The following ZDHHC2 variants were observed in gnomAD, a reference collection of about 807,000 sequenced individuals.
ZDHHC2 encodes palmitoyltransferase ZDHHC2.
ZDHHC2 carries 51 observed loss-of-function variants against 55.6 expected under a neutral mutation model. That is an observed-to-expected ratio of 0.92 (90% confidence interval 0.73 to 1.16). The LOEUF (loss-of-function observed/expected upper bound fraction) is 1.16. Ranked by LOEUF, ZDHHC2 falls within the 50% of genes most tolerant of loss-of-function variation. The pLI, the probability that ZDHHC2 is intolerant of heterozygous loss-of-function variation, is 0.00. For synonymous variants in ZDHHC2, 199 were observed against 152.9 expected (o/e 1.30, Z -2.22); for missense variants, 491 against 442.4 (o/e 1.11, Z -0.99).
intron 4 of ZDHHC2, among the ~76,000 whole-genome samples, chr8:17,196,170 C>G (rs1431278190): frequency 6.6e-6 from 1 of 151,970 alleles, no homozygotes. Context: ...TGACAACTAT[C>G]CACTTAAACA....
At chr8:17,167,548 G>A (rs886884595) in intron 1 of ZDHHC2, among the ~76,000 whole-genome samples, 1 of 151,800 alleles carries the variant, frequency 6.6e-6, no homozygotes, top group East Asian at 1.9e-4. Flanking sequence ...CAGGTGATTC[G>A]GCCTCCCAAA....
rs757912275 is a variant in ZDHHC2, at chr8:17,221,673, TATTA to T, written c.*1456_*1459del. Reference sequence around the variant, plus strand: ...TATCCTTCCTAAAAATATAGTTTTATATTAATTGTGCTTATGGAAGAAACAATGT... The same window carrying T: ...TATCCTTCCTAAAAATATAGTTTTATATTGTGCTTATGGAAGAAACAATGT... On this transcript the variant is annotated 3_prime_UTR_variant, in exon 13 of 13. Transcript: ENST00000262096. 6.6e-6 allele frequency: 1 copy of T among 152,534 alleles called. No individual in the cohort carries two copies. Among genetic ancestry groups the T allele is most frequent in the Non-Finnish European group, 1.5e-5 (1 of 67,948 alleles). 9.4% of individuals were successfully genotyped at this position (152,534 alleles called of 1,614,324 possible).
intron 1 of ZDHHC2, among the ~76,000 whole-genome samples, chr8:17,177,390 G>T (rs1055173978): frequency 6.6e-6 from 1 of 152,170 alleles, no homozygotes; most frequent in Non-Finnish European, 1.5e-5. Context: ...GAAGTCAGGG[G>T]ACAGACTTTG....
chr8:17,168,165 A>G (rs943874014), intron 1 of ZDHHC2, among the ~76,000 whole-genome samples: 1 of 152,076 alleles, frequency 6.6e-6, no homozygotes, highest in Admixed American at 6.5e-5. Context: ...TCTATTTCCT[A>G]TTGACTGAAA....
rs185216289 is a variant in ZDHHC2, at chr8:17,219,221, G to C, written c.*35-1035G>C. 1.7e-4 allele frequency among the ~76,000 whole-genome samples: 22 copies of C among 126,752 alleles called. No individual in the cohort carries two copies. The Admixed American group carries it at 1.8e-3, about 10-fold the overall frequency. 83.2% of individuals were successfully genotyped at this position (126,752 alleles called of 152,430 possible). A position where few individuals can be genotyped will look rare whatever the true frequency, so the allele number is the denominator to read the frequency against. On this transcript the variant is annotated intron_variant, in intron 12 of 12. Transcript: ENST00000262096. ...GCCAAAATCGTGCCATTGCACTCCA[G>C]CCTGGGAGCTTGGGTGACAGAGCAA...
chr8:17,167,841 A>T (rs1804679398), intron 1 of ZDHHC2, among the ~76,000 whole-genome samples: 1 of 150,972 alleles, frequency 6.6e-6, no homozygotes, highest in African/African-American at 2.4e-5. Context: ...CTTATAAAAT[A>T]ATCACAAAAA....
At chr8:17,173,720 A>G (rs1031610013) in intron 1 of ZDHHC2, among the ~76,000 whole-genome samples, 1 of 151,936 alleles carries the variant, frequency 6.6e-6, no homozygotes, top group African/African-American at 2.4e-5. Context: ...AGAATTGAGC[A>G]CAAATCCCTG....
At chr8:17,210,894 C>G (rs927045379) in intron 10 of ZDHHC2, among the ~76,000 whole-genome samples, 20 of 152,098 alleles carry the variant, frequency 1.3e-4, no homozygotes, top group Non-Finnish European at 2.5e-4. Flanking sequence ...TTTTGGAGAT[C>G]AAATGGACCC....
At chr8:17,218,629 A>G (rs1807759115) in intron 12 of ZDHHC2, among the ~76,000 whole-genome samples, 1 of 152,334 alleles carries the variant, frequency 6.6e-6, no homozygotes, top group Non-Finnish European at 1.5e-5. Flanking sequence ...ATAAGTGACA[A>G]AATTAAAACA....
intron 3 of ZDHHC2, among the ~76,000 whole-genome samples, chr8:17,192,220 G>A (rs183982571): frequency 2.6e-5 from 4 of 152,162 alleles, no homozygotes; most frequent in African/African-American, 7.2e-5. Flanking sequence ...TCCTGGGCTC[G>A]AATGGTCCTC....
intron 1 of ZDHHC2, among the ~76,000 whole-genome samples, chr8:17,169,508 A>G (rs181186409): frequency 6.6e-6 from 1 of 152,300 alleles, no homozygotes; most frequent in East Asian, 1.9e-4. Context: ...TTGAAAGAAC[A>G]TATTAGCAGA....
intron 3 of ZDHHC2, among the ~76,000 whole-genome samples, chr8:17,189,653 G>A (rs1262426009): frequency 1.5e-4 from 23 of 152,136 alleles, no homozygotes; most frequent in Admixed American, 1.4e-3. Context: ...GACCTAAGTG[G>A]GTTAATTAAG....
intron 1 of ZDHHC2, among the ~76,000 whole-genome samples, chr8:17,168,831 T>C (rs942945268): frequency 2.0e-5 from 3 of 152,200 alleles, no homozygotes; most frequent in African/African-American, 4.8e-5. Flanking sequence ...ATTTCATTTT[T>C]TCAAAGTTCA....
chr8:17,173,529 A>G (rs916179967), intron 1 of ZDHHC2, among the ~76,000 whole-genome samples: 4 of 151,916 alleles, frequency 2.6e-5, no homozygotes, highest in Non-Finnish European at 5.9e-5. Context: ...AAATAAAATT[A>G]TAAATTAGGA....
chr8:17,178,275 G>T (rs1290574021), intron 1 of ZDHHC2, among the ~76,000 whole-genome samples: 16 of 152,126 alleles, frequency 1.1e-4, no homozygotes, highest in Admixed American at 1.0e-3. Context: ...GGTAAAAAAT[G>T]TACGAGTGGA....
chr8:17,184,129 A>C (rs2150905451), intron 1 of ZDHHC2, among the ~76,000 whole-genome samples: 1 of 152,316 alleles, frequency 6.6e-6, no homozygotes, highest in South Asian at 2.1e-4. Flanking sequence ...AAAGGCGTAC[A>C]TATGTCTTGA....
At chr8:17,178,974 A>G (rs1805294457) in intron 1 of ZDHHC2, among the ~76,000 whole-genome samples, 1 of 151,968 alleles carries the variant, frequency 6.6e-6, no homozygotes, top group Non-Finnish European at 1.5e-5. Context: ...TTTTTGAGAC[A>G]GGGTCACGCT....
chr8:17,161,307 T>G (rs1804331780), intron 1 of ZDHHC2, among the ~76,000 whole-genome samples: 1 of 152,184 alleles, frequency 6.6e-6, no homozygotes, highest in African/African-American at 2.4e-5. Flanking sequence ...ATTATTAATA[T>G]CTTGATATTC....
At chr8:17,196,670 A>C (rs1312130342) in intron 4 of ZDHHC2, among the ~76,000 whole-genome samples, 1 of 151,834 alleles carries the variant, frequency 6.6e-6, no homozygotes, top group African/African-American at 2.4e-5. Context: ...TGGGAGGCCG[A>C]GGCAGGTGGA....
Sources: gnomAD v4.1 joint callset for allele counts (sites outside exome capture counted in the v4.1 genomes callset) on GRCh38, gnomAD v4.1.1 for gene constraint, MANE v1.5 for transcripts, NCBI Gene and HGNC (gene_info 2026-07-23, HGNC 2026-07-21) for gene names.